The following ACOXL variants were observed in gnomAD, a reference collection of about 807,000 sequenced individuals.
The protein encoded by ACOXL is acyl-CoA oxidase like.
In ACOXL, 70 loss-of-function variants were observed where a neutral mutation model predicts 71.9. That is an observed-to-expected ratio of 0.97 (90% CI 0.80 to 1.19). The LOEUF (loss-of-function observed/expected upper bound fraction) is 1.19. ACOXL is among the 50% of genes most tolerant of loss of function. The probability of loss-of-function intolerance (pLI) is 0.00; values close to 1 mark genes in which losing one functional copy is unlikely to be tolerated. For missense variants in ACOXL, 703 were observed against 736.3 expected, an observed-to-expected ratio of 0.95 and a Z score of 0.52; for synonymous variants, 253 against 281.6, an observed-to-expected ratio of 0.90 and a Z score of 1.02.
chr2:110,803,433 T>C (rs1001190247), intron 8 of ACOXL, among the ~76,000 whole-genome samples: 1 of 152,202 alleles, frequency 6.6e-6, no homozygotes. Context: ...AATAGTCTTT[T>C]TGACAAATGG....
At chr2:110,840,054 A>G (rs1690962217) in intron 9 of ACOXL, among the ~76,000 whole-genome samples, 1 of 151,794 alleles carries the variant, frequency 6.6e-6, no homozygotes, top group South Asian at 2.1e-4. Flanking sequence ...CGGTGGCGCA[A>G]TCTCAGCTCA....
chr2:110,826,619 T>G (rs886183335), intron 9 of ACOXL, among the ~76,000 whole-genome samples: 5 of 152,172 alleles, frequency 3.3e-5, no homozygotes, highest in African/African-American at 1.2e-4. Flanking sequence ...AAGCACACTT[T>G]GTTGTTGGTG....
intron 17 of ACOXL, chr2:111,098,528 G>C (rs532180321): frequency 6.6e-6 from 1 of 152,316 alleles, no homozygotes; most frequent in African/African-American, 2.4e-5. Flanking sequence ...AGACTCAGGA[G>C]ATATGGTAAC....
intron 10 of ACOXL, among the ~76,000 whole-genome samples, chr2:110,903,133 T>C (rs1513826): frequency 6.6e-6 from 1 of 152,024 alleles, no homozygotes; most frequent in African/African-American, 2.4e-5. Flanking sequence ...AGTTGACTGG[T>C]TGCAATGGTA....
chr2:110,879,273 A>G (rs907818562), intron 10 of ACOXL, among the ~76,000 whole-genome samples: 2 of 152,150 alleles, frequency 1.3e-5, no homozygotes, highest in African/African-American at 4.8e-5. Context: ...GTTGCCCAAG[A>G]GAGATGATAG....
At chr2:111,094,897 C>G (rs1465667596) in intron 17 of ACOXL, among the ~76,000 whole-genome samples, 2 of 152,076 alleles carry the variant, frequency 1.3e-5, no homozygotes, top group African/African-American at 4.8e-5. Flanking sequence ...TTCCATGTAG[C>G]CTAGTTTGGG....
chr2:111,072,707 C>T (rs991833988), intron 16 of ACOXL, among the ~76,000 whole-genome samples: 10 of 152,278 alleles, frequency 6.6e-5, no homozygotes, highest in African/African-American at 2.4e-4. Flanking sequence ...TATCCCTGGC[C>T]CCTACTGATG....
chr2:110,987,756 G>T (rs1345253526), intron 13 of ACOXL, among the ~76,000 whole-genome samples: 3 of 152,080 alleles, frequency 2.0e-5, no homozygotes, highest in Non-Finnish European at 4.4e-5. Flanking sequence ...TTAAGTATAG[G>T]TGCAGAACTC....
At chr2:110,891,474 G>A (rs909946182) in intron 10 of ACOXL, among the ~76,000 whole-genome samples, 9 of 151,350 alleles carry the variant, frequency 5.9e-5, no homozygotes, top group African/African-American at 2.2e-4. Context: ...AATCTAGTAT[G>A]ACAATACCTG....
At chr2:110,816,165 A>G (rs938092852) in intron 9 of ACOXL, among the ~76,000 whole-genome samples, 1 of 151,834 alleles carries the variant, frequency 6.6e-6, no homozygotes, top group African/African-American at 2.4e-5. Context: ...GGATGCATGG[A>G]TGGACGGATG....
chr2:111,096,830 A>C (rs1458114827), intron 17 of ACOXL, among the ~76,000 whole-genome samples: 1 of 152,206 alleles, frequency 6.6e-6, no homozygotes, highest in Admixed American at 6.5e-5. Flanking sequence ...TTTGACACCT[A>C]CCTTAAACCA....
At chr2:110,768,794 C>T (rs562782188) in intron 2 of ACOXL, among the ~76,000 whole-genome samples, 17 of 152,144 alleles carry the variant, frequency 1.1e-4, no homozygotes, top group African/African-American at 3.6e-4. Flanking sequence ...TAAGTAAGAA[C>T]GTGCGGTATT....
chr2:111,068,890 G>C lies in ACOXL; in HGVS notation c.1440+19602G>C, dbSNP rs17041845. Among the ~76,000 whole-genome samples the C allele has an allele frequency of 8.7e-3, 1,318 of 152,250 alleles. 12 individuals are homozygous for C. Among genetic ancestry groups the C allele is most frequent in the African/African-American group, 0.029 (1,219 of 41,524 alleles). ...AAAATTAGCAAGGAAGGATAGAATGGTGGATGAATACATACATACATACGT... is the reference window on the plus strand; with the variant it reads ...AAAATTAGCAAGGAAGGATAGAATGCTGGATGAATACATACATACATACGT... On this transcript the variant is annotated intron_variant, in intron 16 of 17. Coordinates refer to ENST00000439055, the MANE Select transcript of ACOXL (RefSeq NM_001142807.4).
chr2:110,978,529 G>T (rs894496103), intron 12 of ACOXL, among the ~76,000 whole-genome samples: 1 of 152,098 alleles, frequency 6.6e-6, no homozygotes, highest in Admixed American at 6.5e-5. Flanking sequence ...CAAAGGAACC[G>T]GTGCAGGCTG....
chr2:110,945,330 G>A (rs1195282210), intron 12 of ACOXL, among the ~76,000 whole-genome samples: 1 of 148,728 alleles, frequency 6.7e-6, no homozygotes, highest in Non-Finnish European at 1.5e-5. Context: ...CTGTGCAAAT[G>A]CTCTTTCATG....
intron 9 of ACOXL, among the ~76,000 whole-genome samples, chr2:110,826,753 TTTTTTTTTTTTTTTCC>T (rs2105577548): frequency 7.7e-6 from 1 of 129,654 alleles, no homozygotes; most frequent in African/African-American, 3.3e-5. Context: ...CTCTCTTTGC[TTTTTTTTTTTTTTTCC>T]TTTTTTTTTT....
chr2:111,035,999 A>C (rs1424847007), intron 15 of ACOXL, among the ~76,000 whole-genome samples: 1 of 152,256 alleles, frequency 6.6e-6, no homozygotes, highest in African/African-American at 2.4e-5. Flanking sequence ...TCAGATAAAC[A>C]AAATGCCACA....
At chr2:110,958,169 ACTCT>A (rs1284596316) in intron 12 of ACOXL, among the ~76,000 whole-genome samples, 1 of 152,000 alleles carries the variant, frequency 6.6e-6, no homozygotes, top group East Asian at 1.9e-4. Context: ...TCTCATGCAT[ACTCT>A]CTCTACTTTT....
intron 16 of ACOXL, among the ~76,000 whole-genome samples, chr2:111,050,923 C>T (rs1164525319): frequency 6.6e-6 from 1 of 152,202 alleles, no homozygotes; most frequent in Non-Finnish European, 1.5e-5. Context: ...CTCTGGCTGG[C>T]TTCTCTAGCA....
Sources: gnomAD v4.1 joint callset for allele counts (sites outside exome capture counted in the v4.1 genomes callset) on GRCh38, gnomAD v4.1.1 for gene constraint, MANE v1.5 for transcripts, NCBI Gene and HGNC (gene_info 2026-07-23, HGNC 2026-07-21) for gene names.